DIPK1A: variants seen among roughly 807,000 people sequenced by gnomAD.
The protein encoded by DIPK1A is family with sequence similarity 69 member A.
A neutral mutation model predicts 40.8 loss-of-function variants in DIPK1A; 27 were observed. The ratio of observed to expected loss-of-function variants is 0.66; its 90% CI spans 0.49 to 0.91. DIPK1A has a LOEUF of 0.91. DIPK1A is among the 40% of genes least tolerant of loss of function. The probability of loss-of-function intolerance (pLI) is 0.00; values close to 1 mark genes in which losing one functional copy is unlikely to be tolerated. For missense variants in DIPK1A, 412 were observed against 505.7 expected (o/e 0.81, Z 1.78); for synonymous variants, 166 against 171.3 (o/e 0.97, Z 0.24).
intron 2 of DIPK1A, among the ~76,000 whole-genome samples, chr1:92,874,913 T>A (rs191560910): frequency 6.6e-6 from 1 of 152,154 alleles, no homozygotes; most frequent in Non-Finnish European, 1.5e-5. Context: ...ACCCAGTACA[T>A]TGGCCCCAGA....
At chr1:92,890,776 CT>C (rs1381543819) in intron 1 of DIPK1A, among the ~76,000 whole-genome samples, 3 of 152,134 alleles carry the variant, frequency 2.0e-5, no homozygotes, top group Non-Finnish European at 2.9e-5. Context: ...CTATAGTTTT[CT>C]TTTTTTCTGG....
chr1:92,899,719 C>T (rs549964948), intron 1 of DIPK1A, among the ~76,000 whole-genome samples: 11 of 152,238 alleles, frequency 7.2e-5, no homozygotes, highest in South Asian at 4.1e-4. Context: ...CCTTCATGAA[C>T]GTGCTCTACA....
At chr1:92,952,815 GC>G (rs1383781110) in intron 1 of DIPK1A, among the ~76,000 whole-genome samples, 1 of 151,632 alleles carries the variant, frequency 6.6e-6, no homozygotes, top group Non-Finnish European at 1.5e-5. Context: ...TAGGATGGCA[GC>G]CTGATCAACA....
intron 2 of DIPK1A, among the ~76,000 whole-genome samples, chr1:92,864,796 C>T (rs905833539): frequency 5.9e-5 from 9 of 151,832 alleles, no homozygotes; most frequent in African/African-American, 1.5e-4. Context: ...TCCTAGCACT[C>T]GGGAAGGCCA....
At chr1:92,857,674 T>C (rs1688031984) in intron 2 of DIPK1A, among the ~76,000 whole-genome samples, 1 of 152,200 alleles carries the variant, frequency 6.6e-6, no homozygotes, top group Non-Finnish European at 1.5e-5. Context: ...TGCATGTATA[T>C]ATCTTAAATT....
intron 1 of DIPK1A, among the ~76,000 whole-genome samples, chr1:92,924,172 A>G (rs1253149924): frequency 6.6e-6 from 1 of 152,206 alleles, no homozygotes; most frequent in Non-Finnish European, 1.5e-5. Flanking sequence ...AAAAACAGTT[A>G]ATTTTTTATT....
intron 1 of DIPK1A, among the ~76,000 whole-genome samples, chr1:92,952,803 C>A (rs1651686859): frequency 6.6e-6 from 1 of 151,148 alleles, no homozygotes; most frequent in East Asian, 1.9e-4. Context: ...ATGAAAGGTA[C>A]ATAGGATGGC....
chr1:92,880,106 C>T (rs1415817656), intron 1 of DIPK1A, among the ~76,000 whole-genome samples: 1 of 152,190 alleles, frequency 6.6e-6, no homozygotes, highest in Non-Finnish European at 1.5e-5. Context: ...TGTGGGGTAG[C>T]AGCCAGAGAT....
chr1:92,916,056 G>T (rs937859241), intron 1 of DIPK1A, among the ~76,000 whole-genome samples: 2 of 152,084 alleles, frequency 1.3e-5, no homozygotes, highest in Admixed American at 6.5e-5. Flanking sequence ...GAAATGTCTA[G>T]AACAGGCAAA....
chr1:92,874,321 G>T (rs965914008), intron 2 of DIPK1A, among the ~76,000 whole-genome samples: 4 of 152,164 alleles, frequency 2.6e-5, no homozygotes, highest in Admixed American at 2.0e-4. Flanking sequence ...TAATCTCTTA[G>T]ATTTCTAACA....
At chr1:92,937,777 T>C (rs888924448) in intron 1 of DIPK1A, among the ~76,000 whole-genome samples, 1 of 152,178 alleles carries the variant, frequency 6.6e-6, no homozygotes, top group Admixed American at 6.5e-5. Flanking sequence ...TAAATGTACA[T>C]TTCAATATTC....
intron 1 of DIPK1A, among the ~76,000 whole-genome samples, chr1:92,889,148 T>C (rs1406938807): frequency 6.6e-6 from 1 of 152,212 alleles, no homozygotes; most frequent in African/African-American, 2.4e-5. Flanking sequence ...ATGCCTTCTA[T>C]TCAAGTCTTT....
At chr1:92,894,369 A>T (rs1305164779) in intron 1 of DIPK1A, among the ~76,000 whole-genome samples, 1 of 152,126 alleles carries the variant, frequency 6.6e-6, no homozygotes, top group African/African-American at 2.4e-5. Context: ...CCGCTCAACT[A>T]CATGGAAACT....
chr1:92,844,669 TCCTC>T (rs1241590454), intron 4 of DIPK1A, among the ~76,000 whole-genome samples: 1 of 149,790 alleles, frequency 6.7e-6, no homozygotes, highest in African/African-American at 2.5e-5. Context: ...GCTCAGGTGA[TCCTC>T]CTACCTCAGC....
chr1:92,846,607 T>C, intron 4 of DIPK1A: 1 of 421,278 alleles, frequency 2.4e-6, no homozygotes, highest in Non-Finnish European at 4.7e-6. Flanking sequence ...AAAGTAAACA[T>C]TCTCCAACAC....
chr1:92,951,806 TA>T (rs1302124578), intron 1 of DIPK1A, among the ~76,000 whole-genome samples: 1 of 152,110 alleles, frequency 6.6e-6, no homozygotes, highest in Non-Finnish European at 1.5e-5. Context: ...ACAGAAAATT[TA>T]AAAGACTAAT....
chr1:92,834,746 C>T (rs375683572), intron 4 of DIPK1A: 47 of 1,611,492 alleles, frequency 2.9e-5, no homozygotes, highest in Non-Finnish European at 3.6e-5. Context: ...GTGAAAGCAA[C>T]AGATTACTAA....
intron 1 of DIPK1A, among the ~76,000 whole-genome samples, chr1:92,903,353 A>T (rs530385920): frequency 1.6e-4 from 24 of 152,176 alleles, no homozygotes; most frequent in Non-Finnish European, 2.6e-4. Context: ...GGCTAATGTT[A>T]CACTGCTTTC....
Position 92,866,377 on chromosome 1 carries a change from C to T in DIPK1A, c.189+9919G>A, listed in dbSNP as rs1236432340. On this transcript the variant is annotated intron_variant, in intron 2 of 4. Transcript: ENST00000370310. ...TCGGCCTCTCAAAGTGCTGGGATTA[C>T]AGGCATGAGCCACCGCACCTGGCCT... 2.0e-5 allele frequency among the ~76,000 whole-genome samples: 3 copies of T among 152,228 alleles called. No individual in the cohort carries two copies. In the East Asian group the frequency reaches 5.8e-4, roughly 29 times the overall value.
Sources: allele counts gnomAD v4.1 joint callset (sites outside exome capture counted in the v4.1 genomes callset), GRCh38; gene constraint gnomAD v4.1.1; transcripts MANE v1.5; gene names NCBI Gene and HGNC (gene_info 2026-07-23, HGNC 2026-07-21).